UTRN: variants seen among roughly 807,000 people sequenced by gnomAD.
UTRN encodes the protein utrophin.
Under a neutral mutation model 463.9 loss-of-function variants are expected in UTRN, and 283 were observed. The ratio of observed to expected loss-of-function variants is 0.61; its 90% CI spans 0.55 to 0.67. The LOEUF is 0.67. Among genes scored for constraint, UTRN ranks in the 30% least tolerant of loss-of-function variants. The pLI is 0.00. For synonymous variants in UTRN, 1,442 were observed against 1,431.5 expected (o/e 1.01, Z -0.17); for missense variants, 3,922 against 4,084.3 (o/e 0.96, Z 1.08).
At chr6:144,768,724 A>G (rs896010554) in intron 58 of UTRN, among the ~76,000 whole-genome samples, 2 of 152,156 alleles carry the variant, frequency 1.3e-5, no homozygotes, top group African/African-American at 2.4e-5. Flanking sequence ...AATCATTTGC[A>G]TTACTATCTG....
chr6:144,307,895 C>G (rs1450850329), intron 2 of UTRN, among the ~76,000 whole-genome samples: 1 of 150,482 alleles, frequency 6.6e-6, no homozygotes, highest in East Asian at 2.0e-4. Flanking sequence ...TTTATTTTTT[C>G]TGACATCAAA....
chr6:144,832,640 G>A (rs528731939), intron 69 of UTRN, among the ~76,000 whole-genome samples: 143 of 152,248 alleles, frequency 9.4e-4, no homozygotes, highest in South Asian at 1.2e-3. Flanking sequence ...AGGATCTGTG[G>A]TCAAATCATG....
intron 2 of UTRN, among the ~76,000 whole-genome samples, chr6:144,359,720 G>GTTTTTTT (rs560188157): frequency 7.2e-6 from 1 of 139,112 alleles, no homozygotes. Flanking sequence ...TCTACGCATC[G>GTTTTTTT]TTTTTTTTTT....
intron 2 of UTRN, among the ~76,000 whole-genome samples, chr6:144,325,425 C>T (rs1159364297): frequency 1.3e-5 from 2 of 152,146 alleles, no homozygotes; most frequent in Admixed American, 1.3e-4. Flanking sequence ...GATGATGTAG[C>T]AAGAAAGCCC....
At chr6:144,339,115 G>A (rs920392017) in intron 2 of UTRN, among the ~76,000 whole-genome samples, 2 of 152,142 alleles carry the variant, frequency 1.3e-5, no homozygotes, top group African/African-American at 2.4e-5. Flanking sequence ...TGGCCCTAGG[G>A]TTTTGGAAAA....
rs370859297 is a variant in UTRN at position 144,850,082 on chromosome 6, G to A, written c.10294-907G>A. Reference sequence around the variant, plus strand: ...ACCCATCAGTGTTTGCTGAATTTTTGCTCCCTCTAACATGGCAATCAAATG... The same window carrying A: ...ACCCATCAGTGTTTGCTGAATTTTTACTCCCTCTAACATGGCAATCAAATG... On this transcript the variant is annotated intron_variant, in intron 74 of 74. Coordinates refer to ENST00000367545, the MANE Select transcript of UTRN (RefSeq NM_007124.3). Among the ~76,000 whole-genome samples, 42 of 152,248 alleles carry A rather than the reference G, an allele frequency of 2.8e-4. No homozygotes were observed. In the South Asian group the frequency reaches 8.3e-3, roughly 30 times the overall value.
chr6:144,435,997 G>C lies in UTRN; in HGVS notation c.918G>C (p.Glu306Asp). Reference protein sequence around the residue: ...PRAETPSTVTEVDMDLDSYQI... With the variant: ...PRAETPSTVTDVDMDLDSYQI... ...CTGAAACTCCCAGCACTGTCACTGA[G>C]GTTGACATGGATCTGGACAGCTATC... is the stretch of plus-strand genomic sequence containing the variant. Residue 306 changes from glutamate (E) to aspartate (D), a missense_variant, in exon 10 of 75, where the codon GAG becomes GAC. Glu to Asp is a conservative substitution (Grantham distance 45, BLOSUM62 2). This residue lies in a region of UTRN where 2,349 missense variants were observed against 2,303.8 expected (regional missense o/e 1.02). Coordinates refer to ENST00000367545, the MANE Select transcript of UTRN (RefSeq NM_007124.3). 1 of 1,614,206 alleles carries C rather than the reference G, an allele frequency of 6.2e-7. No homozygotes were observed. Among genetic ancestry groups the C allele is most frequent in the African/African-American group, 1.3e-5 (1 of 75,066 alleles).
intron 34 of UTRN, among the ~76,000 whole-genome samples, chr6:144,502,214 C>T (rs1163004411): frequency 6.6e-6 from 1 of 151,786 alleles, no homozygotes; most frequent in African/African-American, 2.4e-5. Context: ...CACCTCAACT[C>T]CAGGTTCATT....
intron 51 of UTRN, among the ~76,000 whole-genome samples, chr6:144,609,719 A>G (rs1249489101): frequency 6.6e-6 from 1 of 152,246 alleles, no homozygotes; most frequent in Admixed American, 6.5e-5. Context: ...TATTGAAATC[A>G]TATCAAGTGT....
intron 52 of UTRN, among the ~76,000 whole-genome samples, chr6:144,680,523 C>T (rs923789906): frequency 6.6e-6 from 1 of 152,088 alleles, no homozygotes; most frequent in South Asian, 2.1e-4. Flanking sequence ...ATAACTTTTA[C>T]TTTGATTAGT....
At chr6:144,555,590 C>T (rs146310999) in intron 49 of UTRN, among the ~76,000 whole-genome samples, 1 of 152,250 alleles carries the variant, frequency 6.6e-6, no homozygotes, top group African/African-American at 2.4e-5. Flanking sequence ...ACCACCATGC[C>T]CAGCTAATTT....
intron 2 of UTRN, among the ~76,000 whole-genome samples, chr6:144,346,609 T>A (rs1777590264): frequency 6.6e-6 from 1 of 152,148 alleles, no homozygotes; most frequent in African/African-American, 2.4e-5. Flanking sequence ...TCACCTGAGG[T>A]CAGGAGTTCA....
intron 49 of UTRN, 118 bp downstream of exon 49, chr6:144,555,011 T>C (rs911553500): frequency 4.2e-6 from 5 of 1,198,446 alleles, no homozygotes; most frequent in East Asian, 5.2e-5. Flanking sequence ...GTTCTTAGAG[T>C]GTCTAATGAA....
intron 2 of UTRN, among the ~76,000 whole-genome samples, chr6:144,332,703 C>T (rs899406948): frequency 3.3e-5 from 5 of 151,762 alleles, no homozygotes; most frequent in African/African-American, 9.7e-5. Context: ...TAAGTCAAAC[C>T]GTTTTTAATA....
intron 42 of UTRN, 137 bp downstream of exon 42, chr6:144,531,339 T>G: frequency 1.1e-6 from 1 of 916,716 alleles, no homozygotes; most frequent in Non-Finnish European, 1.5e-6. Flanking sequence ...GTTCCAATTC[T>G]TGTTACCAGT....
chr6:144,605,466 A>G (rs748075634), intron 51 of UTRN, among the ~76,000 whole-genome samples: 3 of 151,872 alleles, frequency 2.0e-5, no homozygotes, highest in Non-Finnish European at 2.9e-5. Context: ...TGAAACTCCA[A>G]TTCCAGGTCT....
intron 53 of UTRN, among the ~76,000 whole-genome samples, chr6:144,725,348 C>G (rs1361770981): frequency 6.6e-6 from 1 of 152,202 alleles, no homozygotes; most frequent in African/African-American, 2.4e-5. Context: ...ATTACCCAGT[C>G]TCAGGTATGT....
intron 2 of UTRN, among the ~76,000 whole-genome samples, chr6:144,356,227 G>C (rs751846297): frequency 6.6e-6 from 1 of 152,222 alleles, no homozygotes; most frequent in South Asian, 2.1e-4. Context: ...TATTCAGGCA[G>C]AGGTGCTATT....
chr6:144,482,298 T>G lies in UTRN; in HGVS notation c.3597T>G (p.Gly1199=). 2 of 1,609,728 alleles carry G rather than the reference T, an allele frequency of 1.2e-6. No homozygotes were observed. Among genetic ancestry groups the G allele is most frequent in the Non-Finnish European group, 1.7e-6 (2 of 1,178,998 alleles). ...IKLLAAKVPS[G]GQELTSELNV... ...TATTAGCTGCCAAGGTGCCCTCTGG[T>G]GGCCAGGAGTTGACGTCTGAGCTGA... Residue 1199 remains glycine (G), a synonymous_variant, in exon 27 of 75, where the codon GGT becomes GGG. Coordinates refer to ENST00000367545, the MANE Select transcript of UTRN (RefSeq NM_007124.3).
Sources: allele counts gnomAD v4.1 joint callset (sites outside exome capture counted in the v4.1 genomes callset), GRCh38; gene constraint gnomAD v4.1.1; regional missense constraint gnomAD v4.1.1; transcripts MANE v1.5; gene names NCBI Gene and HGNC (gene_info 2026-07-23, HGNC 2026-07-21).